Variants in ATP13A4 observed in about 807,000 individuals in gnomAD.
ATP13A4 encodes probable cation-transporting ATPase 13A4.
ATP13A4 carries 114 observed loss-of-function variants against 142.5 expected under a neutral mutation model. The ratio of observed to expected loss-of-function variants is 0.80; its 90% confidence interval spans 0.69 to 0.93. The LOEUF (loss-of-function observed/expected upper bound fraction) is 0.93, where lower values mean the gene tolerates loss of function less well. ATP13A4 is among the 40% of genes least tolerant of loss of function. The probability of loss-of-function intolerance (pLI) is 0.00; values close to 1 mark genes in which losing one functional copy is unlikely to be tolerated. For synonymous variants in ATP13A4, 488 were observed against 514.8 expected (o/e 0.95, Z 0.70); for missense variants, 1,392 against 1,454.0 (o/e 0.96, Z 0.69).
chr3:193,447,995 G>A (rs1717051368), intron 18 of ATP13A4, among the ~76,000 whole-genome samples: 1 of 152,154 alleles, frequency 6.6e-6, no homozygotes. Flanking sequence ...TCAAAACGCT[G>A]ATACTATTTG....
intron 1 of ATP13A4, among the ~76,000 whole-genome samples, chr3:193,590,432 T>C (rs368586082): frequency 2.6e-4 from 39 of 152,194 alleles, no homozygotes; most frequent in African/African-American, 8.9e-4. Context: ...ATAGGAGCAA[T>C]TGGGGAAGTC....
chr3:193,477,722 A>G (rs1411565893), intron 8 of ATP13A4, among the ~76,000 whole-genome samples: 2 of 152,036 alleles, frequency 1.3e-5, no homozygotes, highest in Non-Finnish European at 2.9e-5. Context: ...ATGACTACTG[A>G]GTTCAGAACA....
intron 2 of ATP13A4, among the ~76,000 whole-genome samples, chr3:193,564,127 T>G (rs553218118): frequency 1.3e-5 from 2 of 152,336 alleles, no homozygotes; most frequent in South Asian, 4.2e-4. Context: ...AACAAGAGCA[T>G]TCAGAAAAGG....
intron 8 of ATP13A4, among the ~76,000 whole-genome samples, chr3:193,473,547 T>A (rs1718741853): frequency 6.6e-6 from 1 of 152,170 alleles, no homozygotes; most frequent in Non-Finnish European, 1.5e-5. Flanking sequence ...AAAGTATCTC[T>A]CAACAAAATA....
At position 193,402,496 on chromosome 3, in the gene ATP13A4, G is replaced by GTAT; in HGVS notation, c.*153_*155dup. ...GGGTCAATGTTCTTCTCTGTAGACA[G>GTAT]TATTTTATCAAACAGACTTTAGTTT... On this transcript the variant is annotated 3_prime_UTR_variant, in exon 30 of 30. Transcript: ENST00000342695. 2 of 634,198 alleles carry GTAT rather than the reference G, an allele frequency of 3.2e-6. No individual in the cohort carries two copies. The highest frequency in any genetic ancestry group is 3.7e-5 in the South Asian group (2 of 54,160). 39.3% of individuals were successfully genotyped at this position (634,198 alleles called of 1,614,324 possible).
chr3:193,467,140 A>G (rs1488685153), intron 10 of ATP13A4, among the ~76,000 whole-genome samples, 176 bp downstream of exon 10: 1 of 152,174 alleles, frequency 6.6e-6, no homozygotes, highest in Non-Finnish European at 1.5e-5. Flanking sequence ...CTGTGTCAAA[A>G]CATCTCAGGT....
intron 8 of ATP13A4, among the ~76,000 whole-genome samples, chr3:193,481,123 G>A (rs1719267421): frequency 6.6e-6 from 1 of 152,214 alleles, no homozygotes. Context: ...GAGATTCAGG[G>A]GAAAGGGTGG....
At chr3:193,410,883 T>G in intron 28 of ATP13A4, 99 bp downstream of exon 28, 1 of 805,456 alleles carries the variant, frequency 1.2e-6, no homozygotes, top group Non-Finnish European at 2.1e-6. Flanking sequence ...AAGAATAATT[T>G]GTGTCAAAAA....
chr3:193,410,054 C>T (rs1004079546), intron 28 of ATP13A4, among the ~76,000 whole-genome samples: 2 of 152,086 alleles, frequency 1.3e-5, no homozygotes, highest in African/African-American at 4.8e-5. Context: ...GATCATTTAG[C>T]CGTGATTAAA....
intron 19 of ATP13A4, 134 bp from the exon 20 acceptor site, chr3:193,441,722 C>A (rs963085437): frequency 4.5e-5 from 49 of 1,084,740 alleles, no homozygotes; most frequent in Non-Finnish European, 6.4e-5. Flanking sequence ...CTCAGAGAAG[C>A]ATTTTCTTTT....
intron 25 of ATP13A4, among the ~76,000 whole-genome samples, chr3:193,418,257 T>G (rs1715209645): frequency 7.1e-6 from 1 of 140,706 alleles, no homozygotes; most frequent in South Asian, 2.3e-4. Flanking sequence ...GGCCAGAGCC[T>G]GCAGTGAGCC....
At chr3:193,586,925 A>G (rs1483236319) in intron 1 of ATP13A4, among the ~76,000 whole-genome samples, 1 of 152,188 alleles carries the variant, frequency 6.6e-6, no homozygotes, top group Non-Finnish European at 1.5e-5. Context: ...ATTTGGGGGA[A>G]AGTGATATCT....
intron 1 of ATP13A4, among the ~76,000 whole-genome samples, chr3:193,544,538 T>C (rs1036564824): frequency 4.6e-5 from 7 of 152,096 alleles, no homozygotes; most frequent in African/African-American, 1.7e-4. Flanking sequence ...AGGATACCAC[T>C]GGGAGAGAAA....
rs773750389 is a variant in ATP13A4 at position 193,457,396 on chromosome 3, A to G, written c.1744T>C (p.Cys582Arg). ...GGGCTTACCTGGCTGGCTGTTCTGC[A>G]GGGCTTAACTACCATGGCATGTGCC... The part of the protein sequence containing the change: ...VPAHAMVVKP[C>R]RTASQVPVEG... Residue 582 changes from cysteine to arginine, a missense_variant, in exon 15 of 30, where the codon TGC becomes CGC. Transcript: ENST00000342695. 3.1e-6 allele frequency: 5 copies of G among 1,614,230 alleles called. No homozygotes were observed. Among genetic ancestry groups the G allele is most frequent in the Non-Finnish European group, 3.4e-6 (4 of 1,180,032 alleles).
intron 2 of ATP13A4, among the ~76,000 whole-genome samples, chr3:193,568,093 G>A (rs1385682889): frequency 1.3e-5 from 2 of 151,988 alleles, no homozygotes; most frequent in Non-Finnish European, 2.9e-5. Flanking sequence ...CTGAGTAGCT[G>A]GGATTACAGG....
At chr3:193,447,992 G>A (rs79600475) in intron 18 of ATP13A4, among the ~76,000 whole-genome samples, 2 of 152,204 alleles carry the variant, frequency 1.3e-5, no homozygotes, top group East Asian at 3.9e-4. Flanking sequence ...ACCTCAAAAC[G>A]CTGATACTAT....
chr3:193,429,469 C>G (rs762186466), intron 25 of ATP13A4, among the ~76,000 whole-genome samples: 1 of 151,988 alleles, frequency 6.6e-6, no homozygotes, highest in South Asian at 2.1e-4. Context: ...GCTATAAAAA[C>G]GAATTAAGTT....
chr3:193,589,704 T>G (rs1724728437), intron 1 of ATP13A4, among the ~76,000 whole-genome samples: 1 of 152,148 alleles, frequency 6.6e-6, no homozygotes, highest in Admixed American at 6.5e-5. Flanking sequence ...TACAAGTAAT[T>G]AATACACAAG....
chr3:193,567,822 G>C (rs1025569606), intron 2 of ATP13A4, among the ~76,000 whole-genome samples: 1 of 152,098 alleles, frequency 6.6e-6, no homozygotes, highest in African/African-American at 2.4e-5. Flanking sequence ...AATTGTCCCT[G>C]GTTCTGTTTA....
Sources: gnomAD v4.1 joint callset for allele counts (sites outside exome capture counted in the v4.1 genomes callset) on GRCh38, gnomAD v4.1.1 for gene constraint, MANE v1.5 for transcripts, NCBI Gene and HGNC (gene_info 2026-07-23, HGNC 2026-07-21) for gene names.